DNAH12: variants seen among roughly 807,000 people sequenced by gnomAD.
DNAH12 encodes axonemal beta dynein heavy chain 12.
In DNAH12, 285 loss-of-function variants were observed where a neutral mutation model predicts 371.5. The ratio of observed to expected loss-of-function variants is 0.77; its 90% CI spans 0.70 to 0.85. The LOEUF (loss-of-function observed/expected upper bound fraction) is 0.85. Among genes scored for constraint, DNAH12 ranks in the 40% least tolerant of loss-of-function variants. The pLI, the probability that DNAH12 is intolerant of heterozygous loss-of-function variation, is 0.00. For missense variants in DNAH12, 3,611 were observed against 3,689.4 expected (o/e 0.98, Z 0.55); for synonymous variants, 1,200 against 1,213.0 (o/e 0.99, Z 0.22).
chr3:57,412,796 G>A (rs112748109), intron 39 of DNAH12, among the ~76,000 whole-genome samples: 1,629 of 152,278 alleles, frequency 0.011, 19 homozygotes, highest in African/African-American at 0.037. Flanking sequence ...CCAAATGCCA[G>A]AGAAGACGTG....
intron 11 of DNAH12, among the ~76,000 whole-genome samples, chr3:57,494,922 T>A (rs2153387142): frequency 6.6e-6 from 1 of 151,976 alleles, no homozygotes; most frequent in East Asian, 1.9e-4. Context: ...GGCAGGAGGA[T>A]CACTTGAGCC....
At chr3:57,463,041 C>T (rs1384367995) in intron 17 of DNAH12, among the ~76,000 whole-genome samples, 166 bp from the exon 18 acceptor site, 1 of 151,950 alleles carries the variant, frequency 6.6e-6, no homozygotes, top group Admixed American at 6.6e-5. Flanking sequence ...GAGAGAGATA[C>T]TAAGAAAATG....
intron 37 of DNAH12, 82 bp from the exon 38 acceptor site, chr3:57,415,646 G>A (rs2064349427): frequency 7.5e-7 from 1 of 1,326,010 alleles, no homozygotes; most frequent in African/African-American, 1.5e-5. Context: ...GTAGTTAAAA[G>A]TGTACATAAG....
intron 60 of DNAH12, among the ~76,000 whole-genome samples, chr3:57,349,470 A>T (rs1248543310): frequency 6.6e-6 from 1 of 152,214 alleles, no homozygotes; most frequent in African/African-American, 2.4e-5. Context: ...CCTACTCGGT[A>T]TCCCAGAGGA....
chr3:57,471,410 T>C (rs1321529426), intron 15 of DNAH12, 62 bp downstream of exon 15: 1 of 1,348,456 alleles, frequency 7.4e-7, no homozygotes, highest in African/African-American at 1.5e-5. Flanking sequence ...TAAATTTATG[T>C]TAACATGTCC....
intron 70 of DNAH12, 79 bp downstream of exon 70, chr3:57,301,656 T>C (rs1559534047): frequency 2.7e-6 from 4 of 1,476,348 alleles, no homozygotes; most frequent in East Asian, 5.0e-5. Flanking sequence ...CTGTATATTT[T>C]ACATATTTAT....
chr3:57,322,938 C>G, intron 64 of DNAH12, 69 bp downstream of exon 64: 5 of 1,503,310 alleles, frequency 3.3e-6, no homozygotes, highest in Non-Finnish European at 4.4e-6. Flanking sequence ...TCAAAACAAA[C>G]AAACAAAACA....
intron 40 of DNAH12, among the ~76,000 whole-genome samples, chr3:57,406,868 T>C (rs1228897631): frequency 6.6e-6 from 1 of 152,200 alleles, no homozygotes; most frequent in Non-Finnish European, 1.5e-5. Flanking sequence ...AATTAAGCCT[T>C]TTATAATATA....
At chr3:57,342,395 C>T (rs1008160539) in intron 60 of DNAH12, among the ~76,000 whole-genome samples, 1 of 146,408 alleles carries the variant, frequency 6.8e-6, no homozygotes, top group South Asian at 2.1e-4. Flanking sequence ...AATCCCAGCA[C>T]TTTGGGAGGC....
intron 60 of DNAH12, among the ~76,000 whole-genome samples, chr3:57,347,314 A>C (rs2062565275): frequency 6.6e-6 from 1 of 152,240 alleles, no homozygotes; most frequent in Non-Finnish European, 1.5e-5. Flanking sequence ...AGTGGGATTT[A>C]TTATAGGTAT....
chr3:57,400,243 G>A (rs1284933552), intron 43 of DNAH12, among the ~76,000 whole-genome samples: 3 of 152,080 alleles, frequency 2.0e-5, no homozygotes, highest in South Asian at 4.1e-4. Flanking sequence ...AGCTGATATC[G>A]TGCCACTGCA....
chr3:57,515,781 A>G (rs990112369), intron 4 of DNAH12, among the ~76,000 whole-genome samples: 4 of 152,022 alleles, frequency 2.6e-5, no homozygotes, highest in Non-Finnish European at 5.9e-5. Context: ...AAAAATTACT[A>G]TTTGGCAACA....
intron 5 of DNAH12, among the ~76,000 whole-genome samples, chr3:57,509,861 T>TAAAAAAAAAAAA (rs902155403): frequency 1.6e-3 from 74 of 46,554 alleles, no homozygotes; most frequent in Non-Finnish European, 2.2e-3. Flanking sequence ...GACTCCATCA[T>TAAAAAAAAAAAA]AAAAAAAAAA....
chr3:57,536,612 G>A (rs1391600371), intron 2 of DNAH12, among the ~76,000 whole-genome samples: 1 of 152,108 alleles, frequency 6.6e-6, no homozygotes, highest in Non-Finnish European at 1.5e-5. Flanking sequence ...TCTTCAAGAC[G>A]TTGGCCAGGC....
At chr3:57,457,549 A>G (rs2065935651) in intron 22 of DNAH12, among the ~76,000 whole-genome samples, 172 bp downstream of exon 22, 1 of 152,202 alleles carries the variant, frequency 6.6e-6, no homozygotes, top group Non-Finnish European at 1.5e-5. Context: ...ATCATATACT[A>G]TTATCAATTC....
chr3:57,456,621 C>A (rs1434833685), intron 22 of DNAH12, among the ~76,000 whole-genome samples: 1 of 152,174 alleles, frequency 6.6e-6, no homozygotes, highest in Non-Finnish European at 1.5e-5. Flanking sequence ...TGAACTAGGT[C>A]ATGCATTTAC....
At chr3:57,308,952 C>G (rs1191175327) in intron 69 of DNAH12, among the ~76,000 whole-genome samples, 199 bp downstream of exon 69, 1 of 152,032 alleles carries the variant, frequency 6.6e-6, no homozygotes, top group Non-Finnish European at 1.5e-5. Context: ...ACAAAATCTG[C>G]CTTCAGCTTA....
chr3:57,410,884 A>G (rs1029590182), intron 39 of DNAH12, among the ~76,000 whole-genome samples: 3 of 152,048 alleles, frequency 2.0e-5, no homozygotes, highest in Admixed American at 6.6e-5. Flanking sequence ...CAACTTGGTA[A>G]GGAATATCTA....
chr3:57,434,644 G>T (rs2065063899), intron 30 of DNAH12, among the ~76,000 whole-genome samples: 1 of 152,102 alleles, frequency 6.6e-6, no homozygotes, highest in Non-Finnish European at 1.5e-5. Flanking sequence ...GCCAGATTGT[G>T]AGTGACAAAT....
Sources: gnomAD v4.1 joint callset for allele counts (sites outside exome capture counted in the v4.1 genomes callset) on GRCh38, gnomAD v4.1.1 for gene constraint, MANE v1.5 for transcripts, NCBI Gene and HGNC (gene_info 2026-07-23, HGNC 2026-07-21) for gene names.